The following CFAP61 variants were observed in gnomAD, a reference collection of about 807,000 sequenced individuals.
CFAP61 encodes cilia and flagella associated protein 61.
Under a neutral mutation model 135.6 loss-of-function variants are expected in CFAP61, and 107 were observed. That is an observed-to-expected ratio of 0.79 (90% CI 0.67 to 0.93). The LOEUF (loss-of-function observed/expected upper bound fraction) is 0.93. Among genes scored for constraint, CFAP61 ranks in the 40% least tolerant of loss-of-function variants. The probability of loss-of-function intolerance (pLI) is 0.00; values close to 1 mark genes in which losing one functional copy is unlikely to be tolerated. For missense variants in CFAP61, 1,507 were observed against 1,556.2 expected (o/e 0.97, Z 0.53); for synonymous variants, 575 against 578.5 (o/e 0.99, Z 0.09).
intron 8 of CFAP61, among the ~76,000 whole-genome samples, chr20:20,106,000 C>CTATACATATACA (rs1277233037): frequency 1.9e-5 from 2 of 102,650 alleles, no homozygotes; most frequent in African/African-American, 8.3e-5. Flanking sequence ...CTACTCTTGC[C>CTATACATATACA]TATATATATA....
chr20:20,172,611 C>T (rs977877199), intron 13 of CFAP61, among the ~76,000 whole-genome samples: 3 of 152,196 alleles, frequency 2.0e-5, no homozygotes, highest in Admixed American at 2.0e-4. Context: ...AGGCACCACA[C>T]CTGGCCAATA....
intron 22 of CFAP61, among the ~76,000 whole-genome samples, chr20:20,284,778 C>T (rs889995860): frequency 2.6e-5 from 4 of 152,216 alleles, no homozygotes; most frequent in Non-Finnish European, 4.4e-5. Flanking sequence ...CTATATCTTA[C>T]ATCTACAAAC....
chr20:20,307,764 A>G (rs1246354688), intron 25 of CFAP61, among the ~76,000 whole-genome samples: 1 of 152,248 alleles, frequency 6.6e-6, no homozygotes, highest in Non-Finnish European at 1.5e-5. Context: ...CAATAATTAA[A>G]TAAGTGAGAA....
chr20:20,142,964 C>T lies in CFAP61; in HGVS notation c.951+16C>T. ...AAACATCCAGGTGAGAGAGACTATC[C>T]CTCCATGCCTAGGGTGGGGGGATGG... On this transcript the variant is annotated intron_variant, in intron 9 of 26. Coordinates refer to ENST00000245957, the MANE Select transcript of CFAP61 (RefSeq NM_015585.4). 6.6e-7 allele frequency: 1 copy of T among 1,504,178 alleles called. No homozygotes were observed. Among genetic ancestry groups the T allele is most frequent in the Non-Finnish European group, 9.1e-7 (1 of 1,095,674 alleles). 93.2% of individuals were successfully genotyped at this position (1,504,178 alleles called of 1,614,324 possible). A position where few individuals can be genotyped will look rare whatever the true frequency, so the allele number is the denominator to read the frequency against.
At chr20:20,130,241 A>T (rs13036514) in intron 8 of CFAP61, among the ~76,000 whole-genome samples, 28,924 of 151,574 alleles carry the variant, frequency 0.19, 3,197 homozygotes, top group Non-Finnish European at 0.24. Context: ...GTGAGCTGAG[A>T]TCATGCCATT....
chr20:20,224,088 CA>C (rs1471825820), intron 17 of CFAP61, among the ~76,000 whole-genome samples: 3 of 152,122 alleles, frequency 2.0e-5, no homozygotes, highest in Non-Finnish European at 2.9e-5. Flanking sequence ...AGCAAATGCT[CA>C]AAACGCAAAG....
At chr20:20,237,345 C>G (rs537238387) in intron 18 of CFAP61, among the ~76,000 whole-genome samples, 1 of 152,102 alleles carries the variant, frequency 6.6e-6, no homozygotes, top group Non-Finnish European at 1.5e-5. Context: ...TTCTCCAGGT[C>G]GCATCCTCAT....
chr20:20,337,606 AGATGGGTGGGTGGGTGGATGGATG>A (rs2058275821), intron 25 of CFAP61, among the ~76,000 whole-genome samples: 3 of 7,268 alleles, frequency 4.1e-4, no homozygotes, highest in African/African-American at 1.2e-3. Context: ...ATGGATGGAT[AGATGGGTGGGTGGGTGGATGGATG>A]GATGGATGGA....
At chr20:20,139,332 C>G (rs1398484108) in intron 8 of CFAP61, among the ~76,000 whole-genome samples, 1 of 152,220 alleles carries the variant, frequency 6.6e-6, no homozygotes, top group African/African-American at 2.4e-5. Flanking sequence ...GCCTGAACCT[C>G]TAAGCTTTAT....
chr20:20,312,405 C>A (rs6112860), intron 25 of CFAP61, among the ~76,000 whole-genome samples: 31,767 of 152,062 alleles, frequency 0.21, 4,541 homozygotes, highest in African/African-American at 0.39. Flanking sequence ...GCAGATTAGA[C>A]CTCGCTGGGA....
At chr20:20,298,146 T>A in intron 24 of CFAP61, 35 bp from the exon 25 acceptor site, 1 of 1,442,942 alleles carries the variant, frequency 6.9e-7, no homozygotes, top group East Asian at 2.3e-5. Context: ...GGAATGTTTC[T>A]AATGTTGTTT....
chr20:20,173,055 C>CT (rs144463760), intron 13 of CFAP61, among the ~76,000 whole-genome samples: 13,668 of 151,994 alleles, frequency 0.09, 643 homozygotes, highest in Middle Eastern at 0.14. Context: ...TTCAAATTTG[C>CT]TTTTTTTTCA....
rs2059406298 is a variant in CFAP61 at position 20,359,703 on chromosome 20, G to A, written c.3514-507G>A. ...CAAAACAACAACAACAACAAAACAAGTATGATCTACAGATGATTTTTATCT... is the reference window on the plus strand; with the variant it reads ...CAAAACAACAACAACAACAAAACAAATATGATCTACAGATGATTTTTATCT... On this transcript the variant is annotated intron_variant, in intron 26 of 26. Coordinates refer to ENST00000245957, the MANE Select transcript of CFAP61 (RefSeq NM_015585.4). This position sits in a 1 kb window ranked among gnomAD's most constrained non-coding sequence, Gnocchi z 4.0. Among the ~76,000 whole-genome samples the A allele has an allele frequency of 8.5e-6, 1 of 118,146 alleles. No individual in the cohort carries two copies. Among genetic ancestry groups the A allele is most frequent in the Non-Finnish European group, 1.9e-5 (1 of 51,848 alleles). 77.5% of individuals were successfully genotyped at this position (118,146 alleles called of 152,430 possible).
chr20:20,196,616 A>G lies in CFAP61; in HGVS notation c.1637A>G (p.Tyr546Cys). ...CATTACAACATTGAAGATTTCATCT[A>G]CTTCAGTCACCACCAGCGCGAAGAA... ...RSHYNIEDFI[Y>C]FSHHQREEHG... The change falls in exon 16 of 27, where the codon TAC (tyrosine) becomes TGC (cysteine). Residue 546 changes from tyrosine to cysteine, a missense_variant. Tyr to Cys is a radical substitution (Grantham distance 194). Coordinates refer to ENST00000245957, the MANE Select transcript of CFAP61 (RefSeq NM_015585.4). The G allele has an allele frequency of 3.7e-6, 6 of 1,614,166 alleles. No individual in the cohort carries two copies. The highest frequency in any genetic ancestry group is 2.5e-6 in the Non-Finnish European group (3 of 1,180,016).
At chr20:20,087,660 T>C (rs2046901575) in intron 6 of CFAP61, among the ~76,000 whole-genome samples, 1 of 152,130 alleles carries the variant, frequency 6.6e-6, no homozygotes, top group African/African-American at 2.4e-5. Context: ...AATTCTTCAG[T>C]TCTTTTTGGT....
At chr20:20,085,387 C>G in intron 6 of CFAP61, 1 of 1,350,700 alleles carries the variant, frequency 7.4e-7, no homozygotes, top group Non-Finnish European at 9.8e-7. Flanking sequence ...CGGGCTGATG[C>G]AAGATCATAA....
At chr20:20,053,782 G>A (rs1028369329) in intron 1 of CFAP61, among the ~76,000 whole-genome samples, 6 of 151,976 alleles carry the variant, frequency 3.9e-5, no homozygotes, top group African/African-American at 1.4e-4. Flanking sequence ...CTTTCATAAA[G>A]CCACCTAACA....
chr20:20,203,475 C>A (rs2056723002), intron 17 of CFAP61, among the ~76,000 whole-genome samples: 1 of 152,146 alleles, frequency 6.6e-6, no homozygotes, highest in East Asian at 1.9e-4. Flanking sequence ...TATTTTATTT[C>A]TTTAATTTTT....
intron 25 of CFAP61, among the ~76,000 whole-genome samples, chr20:20,318,347 A>C (rs1028158860): frequency 6.6e-6 from 1 of 152,216 alleles, no homozygotes; most frequent in African/African-American, 2.4e-5. Context: ...AAAATCATTC[A>C]TTTCAAGAGG....
Sources: allele counts gnomAD v4.1 joint callset (sites outside exome capture counted in the v4.1 genomes callset), GRCh38; gene constraint gnomAD v4.1.1; non-coding constraint Gnocchi (gnomAD v3.1); transcripts MANE v1.5; gene names NCBI Gene and HGNC (gene_info 2026-07-23, HGNC 2026-07-21).